TTC3: variants seen among roughly 807,000 people sequenced by gnomAD.
The protein encoded by TTC3 is tetratricopeptide repeat domain 3.
In TTC3, 180 loss-of-function variants were observed where a neutral mutation model predicts 249.6. That is an observed-to-expected ratio of 0.72 (90% CI 0.64 to 0.82). The LOEUF (loss-of-function observed/expected upper bound fraction) is 0.82. Among genes scored for constraint, TTC3 ranks in the 40% least tolerant of loss-of-function variants. The pLI, the probability that TTC3 is intolerant of heterozygous loss-of-function variation, is 0.00. For synonymous variants in TTC3, 717 were observed against 805.0 expected, an observed-to-expected ratio of 0.89 and a Z score of 1.85; for missense variants, 2,061 against 2,398.4, an observed-to-expected ratio of 0.86 and a Z score of 2.94.
At chr21:37,098,043 AG>A (rs752892909) in intron 10 of TTC3, 6 of 663,222 alleles carry the variant, frequency 9.0e-6, no homozygotes, top group Non-Finnish European at 1.4e-5. Context: ...AGATGGCTTA[AG>A]CCGTGGATAA....
chr21:37,202,148 C>T (rs530346505), exon 46 of TTC3: 1 of 152,228 alleles, frequency 6.6e-6, no homozygotes, highest in East Asian at 1.9e-4. Context: ...AGATTCAAAT[C>T]TCCTCTTTGT....
At chr21:37,148,058 A>G (rs1044770141) in intron 22 of TTC3, among the ~76,000 whole-genome samples, 1 of 152,260 alleles carries the variant, frequency 6.6e-6, no homozygotes, top group Admixed American at 6.5e-5. Flanking sequence ...ATCGTCTCAC[A>G]TGGGAACCAG....
intron 11 of TTC3, among the ~76,000 whole-genome samples, chr21:37,111,576 T>G (rs2075665152): frequency 6.6e-6 from 1 of 152,154 alleles, no homozygotes; most frequent in South Asian, 2.1e-4. Context: ...ACAAAGTGAC[T>G]TAGACTCCCA....
chr21:37,111,756 GCAC>G (rs2075683289), intron 11 of TTC3, among the ~76,000 whole-genome samples: 2 of 152,152 alleles, frequency 1.3e-5, no homozygotes, highest in African/African-American at 4.8e-5. Flanking sequence ...ATTATTTTCA[GCAC>G]CACACCACAC....
At chr21:37,140,540 T>C (rs760258024) in intron 19 of TTC3, 21 bp from the exon 20 acceptor site, 5 of 1,473,140 alleles carry the variant, frequency 3.4e-6, no homozygotes, top group Non-Finnish European at 4.6e-6. Context: ...TAAGTGATCA[T>C]TGTTTTCACT....
intron 24 of TTC3, 50 bp downstream of exon 24, chr21:37,150,220 ACC>A: frequency 8.0e-7 from 1 of 1,254,246 alleles, no homozygotes; most frequent in Non-Finnish European, 1.2e-6. Flanking sequence ...AAATGTTTAC[ACC>A]TTTTGAAACA....
chr21:37,082,156 T>C (rs9977232), intron 1 of TTC3: 69,314 of 152,106 alleles, frequency 0.46, 16,321 homozygotes, highest in Non-Finnish European at 0.52. Flanking sequence ...TGAGCCACCA[T>C]GCCCGGCCGC....
At position 37,187,231 on chromosome 21, in the gene TTC3, T is replaced by C. The variant is rs558156023; in HGVS notation, c.4923+86T>C. ...ATGACATATGAGGCATAACAGACAT[T>C]ACTGAAAAGTGTGGTGCATAAAGGA... On this transcript the variant is annotated intron_variant, in intron 38 of 45. Transcript: ENST00000355666. 3 of 978,128 alleles carry C rather than the reference T, an allele frequency of 3.1e-6. No homozygotes were observed. In the Admixed American group the frequency reaches 9.1e-5, roughly 30 times the overall value. 60.6% of individuals were successfully genotyped at this position (978,128 alleles called of 1,614,324 possible). A position where few individuals can be genotyped will look rare whatever the true frequency, so the allele number is the denominator to read the frequency against.
At position 37,123,035 on chromosome 21, in the gene TTC3, T is replaced by C; in HGVS notation, c.1109+7T>C. 1.2e-6 allele frequency: 2 copies of C among 1,613,830 alleles called. No individual in the cohort carries two copies. The highest frequency in any genetic ancestry group is 1.7e-6 in the Non-Finnish European group (2 of 1,179,804). On this transcript the variant is annotated splice_region_variant and intron_variant, in intron 13 of 45. Coordinates refer to ENST00000355666, the Ensembl canonical transcript of TTC3. ...AAGCCTTTTATGAAAACAGGTAAGT[T>C]AATAGCAGGTCAGTAGCTGCTACTA...
intron 11 of TTC3, among the ~76,000 whole-genome samples, chr21:37,112,723 G>A (rs895198950): frequency 1.2e-4 from 19 of 152,140 alleles, no homozygotes; most frequent in Admixed American, 9.2e-4. Flanking sequence ...CCAAAGCCTG[G>A]CAGAGACACA....
chr21:37,123,355 A>G (rs781000751), intron 13 of TTC3, among the ~76,000 whole-genome samples: 2 of 152,216 alleles, frequency 1.3e-5, no homozygotes, highest in Non-Finnish European at 2.9e-5. Context: ...GAGCTAGGAC[A>G]TAGCCTGTGC....
intron 21 of TTC3, among the ~76,000 whole-genome samples, chr21:37,146,967 C>T (rs893827076): frequency 3.3e-5 from 5 of 152,110 alleles, no homozygotes; most frequent in Admixed American, 6.5e-5. Context: ...GCACTGGAAG[C>T]ATGGCATGAG....
At chr21:37,089,555 C>T (rs1452784088) in intron 5 of TTC3, among the ~76,000 whole-genome samples, 1 of 152,066 alleles carries the variant, frequency 6.6e-6, no homozygotes, top group Non-Finnish European at 1.5e-5. Flanking sequence ...CCTCTGTCGC[C>T]CATGCTGGAG....
At chr21:37,163,417 C>T (rs186306269) in intron 31 of TTC3, among the ~76,000 whole-genome samples, 10 of 152,198 alleles carry the variant, frequency 6.6e-5, no homozygotes, top group African/African-American at 1.9e-4. Context: ...ATGGCGTGAT[C>T]TCAGCTCACT....
At chr21:37,132,139 T>G (rs1030874275) in intron 16 of TTC3, among the ~76,000 whole-genome samples, 2 of 152,198 alleles carry the variant, frequency 1.3e-5, no homozygotes, top group Non-Finnish European at 2.9e-5. Context: ...ATAGGAATGT[T>G]TATTGAGATT....
At chr21:37,073,326 C>CTGT in exon 1 of TTC3, 1 of 671,662 alleles carries the variant, frequency 1.5e-6, no homozygotes, top group Non-Finnish European at 1.8e-6. Context: ...GCTGCTGCTG[C>CTGT]TGCTGCCCGC....
exon 33 of TTC3, chr21:37,165,804 C>T: frequency 1.2e-6 from 2 of 1,614,062 alleles, no homozygotes; most frequent in African/African-American, 2.7e-5. Context: ...ATTTCAAAAG[C>T]AGGGGAGTAT....
At chr21:37,191,534 ATT>A (rs1029010531) in intron 40 of TTC3, 110 bp downstream of exon 40, 1 of 628,992 alleles carries the variant, frequency 1.6e-6, no homozygotes, top group Admixed American at 4.2e-5. Context: ...ATTATCAATA[ATT>A]TTTTTTGTTG....
At chr21:37,114,925 T>C (rs1224057521) in intron 11 of TTC3, among the ~76,000 whole-genome samples, 184 of 152,018 alleles carry the variant, frequency 1.2e-3, no homozygotes, top group African/African-American at 4.1e-3. Flanking sequence ...AGCAAACTGT[T>C]GCAGGGACAA....
Sources: allele counts gnomAD v4.1 joint callset (sites outside exome capture counted in the v4.1 genomes callset), GRCh38; gene constraint gnomAD v4.1.1; transcripts MANE v1.5; gene names NCBI Gene and HGNC (gene_info 2026-07-23, HGNC 2026-07-21).